Variants in BDNF observed in about 807,000 individuals in gnomAD.
BDNF encodes brain derived neurotrophic factor, also known as neurotrophic factor BDNF precursor form.
In BDNF, 1 loss-of-function variant was observed where a neutral mutation model predicts 19.5. The ratio of observed to expected loss-of-function variants is 0.05; its 90% CI spans 0.02 to 0.24. BDNF has a LOEUF of 0.24. BDNF is among the 10% of genes least tolerant of loss of function. The pLI is 1.00. For synonymous variants in BDNF, 100 were observed against 121.6 expected (o/e 0.82, Z 1.17); for missense variants, 195 against 317.6 (o/e 0.61, Z 2.93).
intron 1 of BDNF, chr11:27,677,063 G>A (rs1323545854): frequency 5.9e-5 from 9 of 152,222 alleles, no homozygotes; most frequent in African/African-American, 1.7e-4. Context: ...GTGAGGCAGC[G>A]TTTCCACTGG....
intron 1 of BDNF, among the ~76,000 whole-genome samples, chr11:27,718,024 A>T (rs1860581564): frequency 6.6e-6 from 1 of 152,154 alleles, no homozygotes; most frequent in Non-Finnish European, 1.5e-5. Context: ...CTGTCAACTA[A>T]ATTGGCAAGT....
At chr11:27,659,627 C>CTGTGTGTGTGTG (rs71449160) in intron 1 of BDNF, 2 of 916,910 alleles carry the variant, frequency 2.2e-6, no homozygotes, top group Non-Finnish European at 1.3e-6. Context: ...GAGATGTTCT[C>CTGTGTGTGTGTG]TCTGTGTGTG....
chr11:27,658,006 T>C lies in BDNF; in HGVS notation c.559A>G (p.Asn187Asp). The change falls in exon 2 of 2, where the codon AAT (asparagine) becomes GAT (aspartate). Residue 187 changes from asparagine to aspartate, a missense_variant. Physicochemically the swap from Asn to Asp is conservative, Grantham distance 23. Coordinates refer to ENST00000356660, the MANE Select transcript of BDNF (RefSeq NM_001709.5). This position sits in a 1 kb window ranked among gnomAD's most constrained non-coding sequence, Gnocchi z 5.7. ...LKQYFYETKCNPMGYTKEGCR... is the reference protein window; with the variant it reads ...LKQYFYETKCDPMGYTKEGCR... The stretch of plus-strand genomic sequence containing the variant: ...CCTTCTTTTGTGTAACCCATGGGAT[T>C]GCACTTGGTCTCGTAGAAGTATTGC... 1 of 1,614,154 alleles carries C rather than the reference T, an allele frequency of 6.2e-7. No individual in the cohort carries two copies. The highest frequency in any genetic ancestry group is 8.5e-7 in the Non-Finnish European group (1 of 1,180,028).
intron 1 of BDNF, among the ~76,000 whole-genome samples, chr11:27,707,107 C>G (rs1470813311): frequency 6.6e-6 from 1 of 152,176 alleles, no homozygotes; most frequent in African/African-American, 2.4e-5. Context: ...CTATGAAATA[C>G]TACACTACTT....
At chr11:27,717,803 T>A (rs1004512031) in intron 1 of BDNF, among the ~76,000 whole-genome samples, 13 of 152,236 alleles carry the variant, frequency 8.5e-5, no homozygotes, top group Non-Finnish European at 1.3e-4. Context: ...GCACCATTTT[T>A]AAAGTGCTAT....
upstream of BDNF, chr11:27,701,269 G>A (rs567301599): frequency 1.5e-4 from 171 of 1,127,644 alleles, no homozygotes; most frequent in Middle Eastern, 7.7e-4. Flanking sequence ...CAGAAAAACG[G>A]AAAGAGAAAG....
intron 1 of BDNF, among the ~76,000 whole-genome samples, chr11:27,710,097 C>T (rs1860265718): frequency 6.6e-6 from 1 of 152,130 alleles, no homozygotes; most frequent in Non-Finnish European, 1.5e-5. Flanking sequence ...TTTTGCTAGG[C>T]TGCTTTCAGA....
chr11:27,711,831 C>T (rs982196154), intron 1 of BDNF, among the ~76,000 whole-genome samples: 19 of 152,292 alleles, frequency 1.2e-4, no homozygotes, highest in African/African-American at 4.3e-4. Context: ...GTAGTAATGA[C>T]AAACAGGAAG....
rs909384657 is a variant in BDNF at position 27,718,363 on chromosome 11, C to G, written c.3+3049G>C. Among the ~76,000 whole-genome samples, 3 of 145,538 alleles carry G rather than the reference C, an allele frequency of 2.1e-5. No homozygotes were observed. The East Asian group carries it at 6.6e-4, about 32-fold the overall frequency. Reference sequence around the variant, plus strand: ...CCCCGTTCCGCACACCACCCCCCCCCGCCCCTCCCGGGATTTTGCAATAAA... The same window carrying G: ...CCCCGTTCCGCACACCACCCCCCCCGGCCCCTCCCGGGATTTTGCAATAAA... On this transcript the variant is annotated intron_variant, in intron 1 of 1. Transcript: ENST00000314915.
intron 1 of BDNF, chr11:27,720,657 C>T: frequency 1.0e-6 from 1 of 985,478 alleles, no homozygotes; most frequent in East Asian, 1.1e-4. Context: ...GGGGTACCGC[C>T]ACCTCGGACA....
chr11:27,670,359 C>T (rs1855151839), intron 1 of BDNF, among the ~76,000 whole-genome samples: 1 of 152,182 alleles, frequency 6.6e-6, no homozygotes, highest in South Asian at 2.1e-4. Context: ...ACAAGGACTT[C>T]ATGACTAAAA....
At chr11:27,683,016 C>T (rs1034582820) in intron 1 of BDNF, among the ~76,000 whole-genome samples, 1 of 152,176 alleles carries the variant, frequency 6.6e-6, no homozygotes, top group Non-Finnish European at 1.5e-5. Flanking sequence ...CTAATTTACA[C>T]TCCCACCAAC....
chr11:27,691,035 T>C (rs1858191802), intron 1 of BDNF: 1 of 152,162 alleles, frequency 6.6e-6, no homozygotes, highest in African/African-American at 2.4e-5. Flanking sequence ...CATAGCAAAA[T>C]GCTTTAAGAA....
intron 1 of BDNF, among the ~76,000 whole-genome samples, chr11:27,693,968 A>G (rs1050233329): frequency 2.0e-5 from 3 of 152,062 alleles, no homozygotes; most frequent in Non-Finnish European, 4.4e-5. Flanking sequence ...CCTTTATTTT[A>G]GTAATTTTTT....
chr11:27,674,951 T>C lies in BDNF; in HGVS notation c.-21-16366A>G, dbSNP rs1237644166. 22 of 879,904 alleles carry C rather than the reference T, an allele frequency of 2.5e-5. No individual in the cohort carries two copies. The Admixed American group carries it at 1.2e-3, about 50-fold the overall frequency. The allele number at this position is 879,904 out of a possible 1,614,324, so 54.5% of individuals were successfully genotyped here. ...AATAATAGCTAACATTTATTAATGG[T>C]GAGGTAAATAATTTGATTATCCACC... On this transcript the variant is annotated intron_variant, in intron 1 of 1. Coordinates refer to ENST00000356660, the MANE Select transcript of BDNF (RefSeq NM_001709.5).
At chr11:27,660,407 A>G in intron 1 of BDNF, 1 of 307,158 alleles carries the variant, frequency 3.3e-6, no homozygotes, top group Non-Finnish European at 6.1e-6. Context: ...ACAGATGTCT[A>G]TTCCGCTAAC....
chr11:27,703,171 G>A (rs1240486674), upstream of BDNF, among the ~76,000 whole-genome samples: 1 of 152,048 alleles, frequency 6.6e-6, no homozygotes, highest in Non-Finnish European at 1.5e-5. Flanking sequence ...AAGGACAGAG[G>A]GCATGAAGCT....
At chr11:27,674,947 A>G (rs1855884689) in intron 1 of BDNF, 1 of 880,698 alleles carries the variant, frequency 1.1e-6, no homozygotes, top group Non-Finnish European at 1.4e-6. Context: ...ACATTTATTA[A>G]TGGTGAGGTA....
intron 1 of BDNF, among the ~76,000 whole-genome samples, chr11:27,672,604 GCAA>G (rs1169198929): frequency 6.6e-6 from 1 of 152,220 alleles, no homozygotes; most frequent in South Asian, 2.1e-4. Flanking sequence ...AGCAGCAGCA[GCAA>G]CAACAACAAT....
Sources: gnomAD v4.1 joint callset for allele counts (sites outside exome capture counted in the v4.1 genomes callset) on GRCh38, gnomAD v4.1.1 for gene constraint, Gnocchi (gnomAD v3.1) non-coding constraint, MANE v1.5 for transcripts, NCBI Gene and HGNC (gene_info 2026-07-23, HGNC 2026-07-21) for gene names.